The following CSNK1G1 variants were observed in gnomAD, a reference collection of about 807,000 sequenced individuals.
CSNK1G1 encodes the protein casein kinase I isoform gamma-1.
CSNK1G1 carries 22 observed loss-of-function variants against 59.6 expected under a neutral mutation model. The ratio of observed to expected loss-of-function variants is 0.37; its 90% CI spans 0.26 to 0.53. CSNK1G1 has a LOEUF of 0.53. Ranked by LOEUF, CSNK1G1 falls within the 20% of genes least tolerant of loss-of-function variation. The pLI is 0.89. For synonymous variants in CSNK1G1, 179 were observed against 177.1 expected (o/e 1.01, Z -0.08); for missense variants, 384 against 519.5 (o/e 0.74, Z 2.54).
intron 4 of CSNK1G1, among the ~76,000 whole-genome samples, chr15:64,221,254 C>T (rs1387366905): frequency 6.6e-6 from 1 of 152,132 alleles, no homozygotes; most frequent in Non-Finnish European, 1.5e-5. Flanking sequence ...TAATTTCCTA[C>T]ACTTGTTGCC....
At chr15:64,320,843 C>T (rs932669086) in intron 1 of CSNK1G1, among the ~76,000 whole-genome samples, 12 of 152,164 alleles carry the variant, frequency 7.9e-5, no homozygotes, top group Admixed American at 1.3e-4. Context: ...ACTGTCCACA[C>T]CACCAGTTTG....
intron 2 of CSNK1G1, among the ~76,000 whole-genome samples, chr15:64,263,387 CCAT>C (rs1566924820): frequency 6.6e-6 from 1 of 152,010 alleles, no homozygotes; most frequent in East Asian, 1.9e-4. Flanking sequence ...CGGGGTTTCG[CCAT>C]GTTGGCCAGG....
intron 2 of CSNK1G1, among the ~76,000 whole-genome samples, chr15:64,268,989 C>T (rs1048348176): frequency 1.4e-5 from 2 of 139,002 alleles, no homozygotes; most frequent in African/African-American, 4.9e-5. Flanking sequence ...GGATATTCTC[C>T]TTACCATTTT....
intron 10 of CSNK1G1, among the ~76,000 whole-genome samples, chr15:64,187,934 A>G (rs1051388605): frequency 2.0e-5 from 3 of 152,242 alleles, no homozygotes; most frequent in Non-Finnish European, 4.4e-5. Context: ...TCAGAAACAG[A>G]TGACTTATAC....
chr15:64,221,555 TGGTTTTGAAGCATTTCTAGGAGAG>T (rs894772620), intron 4 of CSNK1G1, among the ~76,000 whole-genome samples: 1 of 151,698 alleles, frequency 6.6e-6, no homozygotes, highest in African/African-American at 2.4e-5. Flanking sequence ...GACCACTGAG[TGGTTTTGAAGCATTTCTAGGAGAG>T]GGTCAAGGTC....
chr15:64,321,267 T>C (rs369596572), intron 1 of CSNK1G1, among the ~76,000 whole-genome samples: 1 of 151,298 alleles, frequency 6.6e-6, no homozygotes, highest in Admixed American at 6.6e-5. Flanking sequence ...CCTTTTTTTT[T>C]TTTTTGGAGA....
At chr15:64,263,290 G>A (rs1481320990) in intron 2 of CSNK1G1, among the ~76,000 whole-genome samples, 1 of 151,754 alleles carries the variant, frequency 6.6e-6, no homozygotes, top group Non-Finnish European at 1.5e-5. Context: ...CATGGTTCAA[G>A]CGATTCTCCT....
In CSNK1G1 at chr15:64,166,067, G is replaced by T; in HGVS notation, c.*5864C>A. On this transcript the variant is annotated 3_prime_UTR_variant, in exon 12 of 12. Coordinates refer to ENST00000303052, the MANE Select transcript of CSNK1G1 (RefSeq NM_022048.5). This position sits in a 1 kb window ranked among gnomAD's most constrained non-coding sequence, Gnocchi z 4.5. ...CTTTGTGACCAGTGCCAGGGTTTATGAAACATTATACATCTAAAAAAAAAA... is the reference window on the plus strand; with the variant it reads ...CTTTGTGACCAGTGCCAGGGTTTATTAAACATTATACATCTAAAAAAAAAA... 1 of 632,944 alleles carries T rather than the reference G, an allele frequency of 1.6e-6. No homozygotes were observed. The highest frequency in any genetic ancestry group is 2.8e-6 in the Non-Finnish European group (1 of 356,466). 39.2% of individuals were successfully genotyped at this position (632,944 alleles called of 1,614,324 possible).
At chr15:64,308,119 G>A (rs1895786145) in intron 1 of CSNK1G1, among the ~76,000 whole-genome samples, 2 of 151,976 alleles carry the variant, frequency 1.3e-5, no homozygotes, top group South Asian at 4.2e-4. Flanking sequence ...TTGATCTCTG[G>A]AAATGACTGG....
chr15:64,278,406 GTGTGTGTGTGTGTATATA>G (rs1426244181), intron 2 of CSNK1G1, among the ~76,000 whole-genome samples: 1 of 128,892 alleles, frequency 7.8e-6, no homozygotes, highest in Non-Finnish European at 1.6e-5. Context: ...GTGTGTGTGT[GTGTGTGTGTGTGTATATA>G]TATATATATT....
intron 4 of CSNK1G1, among the ~76,000 whole-genome samples, chr15:64,236,782 T>G (rs1401846058): frequency 6.6e-6 from 1 of 152,220 alleles, no homozygotes; most frequent in Non-Finnish European, 1.5e-5. Context: ...GCAATCCCAG[T>G]ACTGGGTATC....
At chr15:64,212,688 G>A (rs1018460412) in intron 6 of CSNK1G1, among the ~76,000 whole-genome samples, 15 of 152,276 alleles carry the variant, frequency 9.9e-5, no homozygotes, top group Admixed American at 9.2e-4. Context: ...CAGCCTGAGT[G>A]AGAGTGAGAT....
At chr15:64,240,221 A>G (rs908715263) in intron 4 of CSNK1G1, among the ~76,000 whole-genome samples, 1 of 152,230 alleles carries the variant, frequency 6.6e-6, no homozygotes, top group African/African-American at 2.4e-5. Context: ...GTGACAGAGT[A>G]AGACTCCGTC....
At chr15:64,198,576 A>T (rs2082066042) in intron 10 of CSNK1G1, among the ~76,000 whole-genome samples, 1 of 152,120 alleles carries the variant, frequency 6.6e-6, no homozygotes, top group Non-Finnish European at 1.5e-5. Flanking sequence ...ATGAAAGGTT[A>T]GCTGTTCCTA....
chr15:64,187,981 T>C (rs779696391), intron 10 of CSNK1G1, among the ~76,000 whole-genome samples: 2 of 152,204 alleles, frequency 1.3e-5, no homozygotes, highest in African/African-American at 2.4e-5. Context: ...AAGGCACATA[T>C]CATGGAATGA....
At chr15:64,342,765 C>T (rs1407580213) in intron 1 of CSNK1G1, 1 of 152,166 alleles carries the variant, frequency 6.6e-6, no homozygotes, top group Non-Finnish European at 1.5e-5. Flanking sequence ...ATGAGCACAT[C>T]AAATCTAATT....
chr15:64,213,915 C>T lies in CSNK1G1; in HGVS notation c.654G>A (p.Met218Ile), dbSNP rs2082279068. ...HKSLTGTARY[M>I]SINTHLGKEQ... is the part of the protein sequence containing the mutation. Reference sequence around the variant, plus strand: ...CTTTGCCAAGATGCGTGTTGATAGACATATATCTTGCAGTTCCAGTTAAAC... The same window carrying T: ...CTTTGCCAAGATGCGTGTTGATAGATATATATCTTGCAGTTCCAGTTAAAC... Residue 218 changes from methionine to isoleucine, a missense_variant, in exon 6 of 12, where the codon ATG (methionine) becomes ATA (isoleucine). Physicochemically the swap from Met to Ile is conservative, Grantham distance 10 (BLOSUM62 1). This residue lies in a region of CSNK1G1 where 325 missense variants were observed against 440.9 expected (regional missense o/e 0.74). Coordinates refer to ENST00000303052, the MANE Select transcript of CSNK1G1 (RefSeq NM_022048.5). The T allele has an allele frequency of 6.2e-7, 1 of 1,613,874 alleles. No homozygotes were observed. The highest frequency in any genetic ancestry group is 8.5e-7 in the Non-Finnish European group (1 of 1,179,754).
chr15:64,268,621 T>A (rs1466679556), intron 2 of CSNK1G1, among the ~76,000 whole-genome samples: 1 of 152,212 alleles, frequency 6.6e-6, no homozygotes, highest in Non-Finnish European at 1.5e-5. Flanking sequence ...TTTTGTTTGT[T>A]TTTTAGGGAA....
intron 10 of CSNK1G1, among the ~76,000 whole-genome samples, chr15:64,189,816 T>G (rs1049075479): frequency 2.0e-5 from 2 of 98,976 alleles, no homozygotes; most frequent in African/African-American, 9.8e-5. Context: ...TACAATTTAC[T>G]TTTTTTTTTT....
Sources: gnomAD v4.1 joint callset for allele counts (sites outside exome capture counted in the v4.1 genomes callset) on GRCh38, gnomAD v4.1.1 for gene constraint, gnomAD v4.1.1 regional missense constraint, Gnocchi (gnomAD v3.1) non-coding constraint, MANE v1.5 for transcripts, NCBI Gene and HGNC (gene_info 2026-07-23, HGNC 2026-07-21) for gene names.